ADK: variants seen among roughly 807,000 people sequenced by gnomAD.
ADK encodes N6,N6-dimethyladenosine kinase.
Under a neutral mutation model 44.7 loss-of-function variants are expected in ADK, and 24 were observed. The observed-to-expected ratio is 0.54, with a 90% CI of 0.39 to 0.76. The LOEUF is 0.76. ADK is among the 30% of genes least tolerant of loss of function. The pLI is 0.00. For missense variants in ADK, 321 were observed against 425.1 expected, an observed-to-expected ratio of 0.76 and a Z score of 2.15; for synonymous variants, 128 against 142.6, an observed-to-expected ratio of 0.90 and a Z score of 0.73.
At chr10:74,304,207 C>T (rs10824143) in intron 3 of ADK, among the ~76,000 whole-genome samples, 98,662 of 151,438 alleles carry the variant, frequency 0.65, 33,292 homozygotes, top group Middle Eastern at 0.81. Context: ...TTGGGAAGTT[C>T]GAATTAAAAA....
intron 6 of ADK, among the ~76,000 whole-genome samples, chr10:74,469,904 G>A (rs951370759): frequency 2.0e-5 from 3 of 151,844 alleles, no homozygotes; most frequent in African/African-American, 4.8e-5. Context: ...TTTTATGGCT[G>A]GCTTATTTCA....
At chr10:74,387,916 CT>C (rs1051474656) in intron 4 of ADK, among the ~76,000 whole-genome samples, 3 of 149,020 alleles carry the variant, frequency 2.0e-5, no homozygotes, top group Non-Finnish European at 3.0e-5. Flanking sequence ...TTTCTTTTTT[CT>C]TTTTTTTTGA....
intron 7 of ADK, among the ~76,000 whole-genome samples, chr10:74,539,440 A>T (rs1849555747): frequency 6.6e-6 from 1 of 152,180 alleles, no homozygotes; most frequent in South Asian, 2.1e-4. Flanking sequence ...ATATCAGAAT[A>T]TTTCCCCCAT....
chr10:74,380,167 TTGTGTGGAATCTCCA>T (rs1239626398), intron 4 of ADK, among the ~76,000 whole-genome samples: 1 of 152,218 alleles, frequency 6.6e-6, no homozygotes, highest in Admixed American at 6.5e-5. Flanking sequence ...GCATTTTATA[TTGTGTGGAATCTCCA>T]TGAAAATAAG....
At chr10:74,637,783 T>C (rs1195490036) in intron 9 of ADK, among the ~76,000 whole-genome samples, 2 of 152,134 alleles carry the variant, frequency 1.3e-5, no homozygotes, top group South Asian at 4.1e-4. Context: ...GACTGCTGAG[T>C]CTAGATGAGT....
intron 3 of ADK, among the ~76,000 whole-genome samples, chr10:74,225,939 C>A (rs985278144): frequency 2.6e-5 from 4 of 152,034 alleles, no homozygotes; most frequent in African/African-American, 4.8e-5. Context: ...TTCCTTTAGT[C>A]CTTAGACTAT....
chr10:74,442,858 G>A (rs908104111), intron 6 of ADK, among the ~76,000 whole-genome samples: 6 of 152,118 alleles, frequency 3.9e-5, no homozygotes, highest in African/African-American at 1.4e-4. Flanking sequence ...CCTGCCATTT[G>A]CAACAACATA....
chr10:74,276,386 T>C (rs1184543749), intron 3 of ADK, among the ~76,000 whole-genome samples: 1 of 152,204 alleles, frequency 6.6e-6, no homozygotes, highest in Non-Finnish European at 1.5e-5. Context: ...GGGTATTGCT[T>C]TCTGGGCCCC....
chr10:74,170,204 C>T (rs943850934), intron 1 of ADK, among the ~76,000 whole-genome samples: 2 of 152,004 alleles, frequency 1.3e-5, no homozygotes, highest in African/African-American at 2.4e-5. Flanking sequence ...CAGCTGGGCT[C>T]GTCAAGGCTT....
At chr10:74,417,115 T>G (rs1844401543) in intron 6 of ADK, among the ~76,000 whole-genome samples, 1 of 152,152 alleles carries the variant, frequency 6.6e-6, no homozygotes, top group Non-Finnish European at 1.5e-5. Context: ...CTAAAACTTT[T>G]CTCATTGTAA....
At chr10:74,464,477 T>C (rs1846281061) in intron 6 of ADK, among the ~76,000 whole-genome samples, 1 of 152,118 alleles carries the variant, frequency 6.6e-6, no homozygotes, top group African/African-American at 2.4e-5. Context: ...AGAGGATCAC[T>C]TGAGCCTGGA....
chr10:74,211,461 T>C (rs1843808907), intron 2 of ADK, among the ~76,000 whole-genome samples: 1 of 152,218 alleles, frequency 6.6e-6, no homozygotes. Flanking sequence ...GGCTGATTTT[T>C]TTAAAAAACG....
chr10:74,222,808 C>A (rs1008979009), intron 2 of ADK, among the ~76,000 whole-genome samples: 11 of 138,588 alleles, frequency 7.9e-5, no homozygotes, highest in African/African-American at 2.7e-4. Context: ...GGGAATTGAA[C>A]AATGAGAACA....
At chr10:74,565,551 A>T (rs770090089) in intron 7 of ADK, among the ~76,000 whole-genome samples, 6 of 152,092 alleles carry the variant, frequency 3.9e-5, no homozygotes, top group Non-Finnish European at 7.4e-5. Flanking sequence ...AACATGGAGA[A>T]ACTCCATCTC....
chr10:74,439,681 A>T (rs893208412), intron 6 of ADK, among the ~76,000 whole-genome samples: 1 of 152,170 alleles, frequency 6.6e-6, no homozygotes, highest in Non-Finnish European at 1.5e-5. Context: ...TAAATCAGCA[A>T]ATATTTTCCT....
chr10:74,334,293 G>A (rs1443095950), intron 4 of ADK, among the ~76,000 whole-genome samples: 1 of 152,152 alleles, frequency 6.6e-6, no homozygotes, highest in Non-Finnish European at 1.5e-5. Context: ...GGTTATATAT[G>A]CAGCTGATAA....
At chr10:74,466,403 C>T (rs1209972760) in intron 6 of ADK, among the ~76,000 whole-genome samples, 1 of 152,136 alleles carries the variant, frequency 6.6e-6, no homozygotes, top group African/African-American at 2.4e-5. Context: ...TTCCCTCTGC[C>T]TTCAGTCCCT....
chr10:74,371,657 G>T (rs1842662820), intron 4 of ADK: 1 of 1,023,388 alleles, frequency 9.8e-7, no homozygotes, highest in East Asian at 2.4e-5. Flanking sequence ...TCTCTATAAG[G>T]AAAAGTGATG....
chr10:74,530,937 G>A (rs752538242), intron 7 of ADK, among the ~76,000 whole-genome samples: 1 of 151,990 alleles, frequency 6.6e-6, no homozygotes, highest in African/African-American at 2.4e-5. Context: ...AAAAAAGAAG[G>A]GTATCTCAAG....
Sources: gnomAD v4.1 joint callset for allele counts (sites outside exome capture counted in the v4.1 genomes callset) on GRCh38, gnomAD v4.1.1 for gene constraint, MANE v1.5 for transcripts, NCBI Gene and HGNC (gene_info 2026-07-23, HGNC 2026-07-21) for gene names.